The following P3H2 variants were observed in gnomAD, a reference collection of about 807,000 sequenced individuals.
P3H2 encodes the protein prolyl 3-hydroxylase 2.
A neutral mutation model predicts 87.0 loss-of-function variants in P3H2; 80 were observed. The observed-to-expected ratio is 0.92, with a 90% CI of 0.77 to 1.11. The LOEUF (loss-of-function observed/expected upper bound fraction) is 1.11, where lower values mean the gene tolerates loss of function less well. P3H2 is among the 50% of genes least tolerant of loss of function. The probability of loss-of-function intolerance (pLI) is 0.00; values close to 1 mark genes in which losing one functional copy is unlikely to be tolerated. For synonymous variants in P3H2, 367 were observed against 359.3 expected, an observed-to-expected ratio of 1.02 and a Z score of -0.24; for missense variants, 1,001 against 923.9, an observed-to-expected ratio of 1.08 and a Z score of -1.08.
intron 12 of P3H2, 100 bp downstream of exon 12, chr3:189,971,790 A>C (rs765423484): frequency 2.8e-5 from 22 of 780,884 alleles, no homozygotes; most frequent in Non-Finnish European, 4.5e-5. Flanking sequence ...TGCCTTGGAG[A>C]TATGAACACG....
chr3:190,050,105 A>C (rs922946626), intron 1 of P3H2, among the ~76,000 whole-genome samples: 1 of 152,198 alleles, frequency 6.6e-6, no homozygotes, highest in Non-Finnish European at 1.5e-5. Context: ...ATGTTCATCC[A>C]GTCTCTGATT....
At chr3:190,005,497 T>C (rs710573) in intron 1 of P3H2, among the ~76,000 whole-genome samples, 116,747 of 152,224 alleles carry the variant, frequency 0.77, 45,061 homozygotes, top group East Asian at 0.93. Flanking sequence ...TCTGTCATTA[T>C]AATTTCCAAC....
chr3:189,974,138 G>A (rs997163703), intron 9 of P3H2, 134 bp from the exon 10 acceptor site: 26 of 735,820 alleles, frequency 3.5e-5, no homozygotes, highest in African/African-American at 3.2e-4. Context: ...CCAGGATGCT[G>A]GTATAACTAT....
At chr3:190,005,851 A>C (rs969418639) in intron 1 of P3H2, among the ~76,000 whole-genome samples, 1 of 152,176 alleles carries the variant, frequency 6.6e-6, no homozygotes, top group African/African-American at 2.4e-5. Flanking sequence ...CATCAAGCTC[A>C]CTAATGGGTA....
chr3:190,011,299 T>C (rs1019292552), intron 1 of P3H2, among the ~76,000 whole-genome samples: 2 of 151,174 alleles, frequency 1.3e-5, no homozygotes, highest in African/African-American at 4.9e-5. Flanking sequence ...TAGAGTTTCA[T>C]GCAAAAATGA....
chr3:189,992,386 G>A (rs940932702), intron 3 of P3H2, among the ~76,000 whole-genome samples: 7 of 152,046 alleles, frequency 4.6e-5, no homozygotes, highest in Non-Finnish European at 5.9e-5. Flanking sequence ...ATGAGCCACC[G>A]CGCCCGGATG....
At chr3:190,028,565 G>A (rs112495338) in intron 1 of P3H2, among the ~76,000 whole-genome samples, 8 of 152,258 alleles carry the variant, frequency 5.3e-5, no homozygotes, top group African/African-American at 1.7e-4. Flanking sequence ...TTAGACCAAT[G>A]ATCTTTTTGA....
At chr3:189,960,527 GC>G (rs1371412438) in intron 14 of P3H2, among the ~76,000 whole-genome samples, 4 of 152,082 alleles carry the variant, frequency 2.6e-5, no homozygotes, top group African/African-American at 9.7e-5. Context: ...ATCTTTTAAA[GC>G]TTTTTTTCAA....
intron 1 of P3H2, among the ~76,000 whole-genome samples, chr3:190,119,122 G>T: frequency 9.0e-6 from 1 of 111,560 alleles, no homozygotes; most frequent in African/African-American, 3.5e-5. Flanking sequence ...AAAAGAAAAG[G>T]AAGAGAGGAG....
intron 1 of P3H2, among the ~76,000 whole-genome samples, chr3:190,087,035 T>G (rs1727235195): frequency 6.6e-6 from 1 of 152,220 alleles, no homozygotes; most frequent in Non-Finnish European, 1.5e-5. Context: ...AATCCCTTTA[T>G]GAAAATCCAT....
chr3:190,071,305 C>T (rs1035123070), intron 1 of P3H2, among the ~76,000 whole-genome samples: 5 of 152,096 alleles, frequency 3.3e-5, no homozygotes, highest in African/African-American at 4.8e-5. Context: ...CTTTTCAATG[C>T]CAGTCCTTAA....
At chr3:190,051,264 C>CT (rs1398283059) in intron 1 of P3H2, among the ~76,000 whole-genome samples, 1 of 152,184 alleles carries the variant, frequency 6.6e-6, no homozygotes, top group African/African-American at 2.4e-5. Flanking sequence ...GAAAAAGTTA[C>CT]TTTTGTCAGG....
At chr3:190,098,344 A>C (rs1711503836) in intron 1 of P3H2, among the ~76,000 whole-genome samples, 1 of 152,222 alleles carries the variant, frequency 6.6e-6, no homozygotes, top group Non-Finnish European at 1.5e-5. Flanking sequence ...TGTACAGTTT[A>C]GGTTCCAAAT....
intron 1 of P3H2, among the ~76,000 whole-genome samples, chr3:190,018,299 C>A (rs775881207): frequency 8.5e-5 from 13 of 152,126 alleles, no homozygotes; most frequent in Non-Finnish European, 1.8e-4. Context: ...TCATGGTTAT[C>A]ATGTATTGTG....
intron 1 of P3H2, among the ~76,000 whole-genome samples, chr3:190,082,461 T>G (rs777094260): frequency 6.6e-6 from 1 of 152,174 alleles, no homozygotes; most frequent in Non-Finnish European, 1.5e-5. Flanking sequence ...GTACATAGTT[T>G]GAAGGTACAT....
At chr3:189,978,084 A>C in intron 8 of P3H2, among the ~76,000 whole-genome samples, 1 of 152,236 alleles carries the variant, frequency 6.6e-6, no homozygotes, top group Non-Finnish European at 1.5e-5. Context: ...ATAAAAAGAA[A>C]TGTTCCTTCA....
rs573284173 is a variant in P3H2 at position 190,100,633 on chromosome 3, G to A, written c.480+19619C>T. ...AGTTAGTAACATAATTAAAACTAGAGCCACACTTTCTATATTCCTCACTCT... is the reference window on the plus strand; with the variant it reads ...AGTTAGTAACATAATTAAAACTAGAACCACACTTTCTATATTCCTCACTCT... On this transcript the variant is annotated intron_variant, in intron 1 of 14. Transcript: ENST00000319332. Among the ~76,000 whole-genome samples, 7 of 152,228 alleles carry A rather than the reference G, an allele frequency of 4.6e-5. No homozygotes were observed. In the East Asian group the frequency reaches 9.7e-4, roughly 21 times the overall value.
chr3:189,959,922 G>A (rs1194649386), intron 14 of P3H2, among the ~76,000 whole-genome samples: 1 of 148,616 alleles, frequency 6.7e-6, no homozygotes, highest in Non-Finnish European at 1.5e-5. Context: ...GTTGGGGTGT[G>A]GGGACTACAT....
At chr3:190,091,636 C>A (rs1159743836) in intron 1 of P3H2, among the ~76,000 whole-genome samples, 2 of 152,302 alleles carry the variant, frequency 1.3e-5, no homozygotes, top group Admixed American at 1.3e-4. Context: ...AGATCCTTAA[C>A]AAATAGAGTA....
Sources: allele counts gnomAD v4.1 joint callset (sites outside exome capture counted in the v4.1 genomes callset), GRCh38; gene constraint gnomAD v4.1.1; transcripts MANE v1.5; gene names NCBI Gene and HGNC (gene_info 2026-07-23, HGNC 2026-07-21).